Variants in SYNE2 observed in about 807,000 individuals in gnomAD.
SYNE2 encodes the protein spectrin repeat containing nuclear envelope protein 2, also known as nesprin-2.
SYNE2 carries 431 observed loss-of-function variants against 856.3 expected under a neutral mutation model. That is an observed-to-expected ratio of 0.50 (90% confidence interval 0.47 to 0.55). The LOEUF (loss-of-function observed/expected upper bound fraction) is 0.55, where lower values mean the gene tolerates loss of function less well. SYNE2 is among the 20% of genes least tolerant of loss of function. The probability of loss-of-function intolerance (pLI) is 0.00; values close to 1 mark genes in which losing one functional copy is unlikely to be tolerated. For missense variants in SYNE2, 8,129 were observed against 8,023.2 expected (o/e 1.01, Z -0.50); for synonymous variants, 2,923 against 2,872.3 (o/e 1.02, Z -0.56).
chr14:63,840,441 TCCTTCCTTCCTC>T (rs140527836), intron 1 of SYNE2, among the ~76,000 whole-genome samples: 37,600 of 106,708 alleles, frequency 0.35, 7,299 homozygotes, highest in Non-Finnish European at 0.44. Flanking sequence ...CTTCCTTCCT[TCCTTCCTTCCTC>T]CCTCCCTCCC....
chr14:64,055,799 T>G, intron 48 of SYNE2, 145 bp from the exon 49 acceptor site: 1 of 576,212 alleles, frequency 1.7e-6, no homozygotes, highest in Non-Finnish European at 3.0e-6. Context: ...CTGCACATTG[T>G]GCACATGTAC....
Position 64,014,974 on chromosome 14 carries a change from TACAC to T in SYNE2, c.4729-1483_4729-1480del, listed in dbSNP as rs1162341254. On this transcript the variant is annotated intron_variant, in intron 32 of 115. Transcript: ENST00000555002. ...ATATATATATATATATATATATATA[TACAC>T]ACACACACACACACATATATAAATA... is the stretch of plus-strand genomic sequence containing the variant. Among the ~76,000 whole-genome samples the T allele has an allele frequency of 8.2e-5, 7 of 84,894 alleles. No individual in the cohort carries two copies. In the South Asian group the frequency reaches 1.8e-3, roughly 21 times the overall value. 55.7% of individuals were successfully genotyped at this position (84,894 alleles called of 152,430 possible). A position where few individuals can be genotyped will look rare whatever the true frequency, so the allele number is the denominator to read the frequency against.
At chr14:63,924,627 A>C in intron 2 of SYNE2, among the ~76,000 whole-genome samples, 1 of 152,188 alleles carries the variant, frequency 6.6e-6, no homozygotes, top group Non-Finnish European at 1.5e-5. Flanking sequence ...GCCATTATGA[A>C]TGATATTTTC....
At chr14:64,099,402 C>A (rs1284258031) in intron 63 of SYNE2, 1 of 171,472 alleles carries the variant, frequency 5.8e-6, no homozygotes, top group East Asian at 1.7e-4. Context: ...ATGTAACCAC[C>A]AGACACTTTT....
chr14:64,169,060 C>G (rs2098397732), intron 93 of SYNE2, 89 bp downstream of exon 93: 2 of 996,340 alleles, frequency 2.0e-6, no homozygotes, highest in South Asian at 1.3e-5. Context: ...GAACCTTGAC[C>G]ATGTTGGTGC....
chr14:63,835,214 A>G (rs898819824), intron 1 of SYNE2, among the ~76,000 whole-genome samples: 6 of 152,042 alleles, frequency 3.9e-5, no homozygotes, highest in African/African-American at 1.2e-4. Context: ...TTGAAAGTAC[A>G]TATTGATATT....
chr14:64,111,065 T>C (rs573665748), intron 65 of SYNE2, among the ~76,000 whole-genome samples: 1 of 152,090 alleles, frequency 6.6e-6, no homozygotes, highest in East Asian at 1.9e-4. Flanking sequence ...AATACTGTCA[T>C]TAAAAAAAGT....
At chr14:63,839,406 C>T (rs1889971412) in intron 1 of SYNE2, among the ~76,000 whole-genome samples, 1 of 152,136 alleles carries the variant, frequency 6.6e-6, no homozygotes, top group Non-Finnish European at 1.5e-5. Flanking sequence ...TTTCTGATTA[C>T]TAATAAGATT....
chr14:64,186,355 C>G (rs2098490807), intron 96 of SYNE2, 69 bp from the exon 97 acceptor site: 1 of 1,581,768 alleles, frequency 6.3e-7, no homozygotes, highest in African/African-American at 1.3e-5. Context: ...AAAGGATTAG[C>G]CTACAGGTTT....
chr14:63,832,996 G>A (rs1430659784), intron 1 of SYNE2, among the ~76,000 whole-genome samples: 1 of 151,770 alleles, frequency 6.6e-6, no homozygotes, highest in East Asian at 1.9e-4. Context: ...CAGCCTGGGT[G>A]ACAGAGGCTT....
chr14:64,121,611 A>C (rs752065848), intron 68 of SYNE2, among the ~76,000 whole-genome samples: 12 of 152,048 alleles, frequency 7.9e-5, no homozygotes, highest in Admixed American at 1.3e-4. Context: ...GTGTGCAGAA[A>C]CTCTGAGAGT....
chr14:64,123,918 G>A (rs991514824), intron 70 of SYNE2, among the ~76,000 whole-genome samples: 1 of 149,990 alleles, frequency 6.7e-6, no homozygotes, highest in Non-Finnish European at 1.5e-5. Flanking sequence ...AAGAGACAGG[G>A]TCTCAGCTAG....
chr14:63,780,151 G>A (rs1887255345), intron 1 of SYNE2, among the ~76,000 whole-genome samples: 1 of 152,118 alleles, frequency 6.6e-6, no homozygotes, highest in Non-Finnish European at 1.5e-5. Flanking sequence ...AAAATACTTA[G>A]GAATAAATCT....
intron 1 of SYNE2, among the ~76,000 whole-genome samples, chr14:63,779,525 A>T (rs537270371): frequency 6.6e-6 from 1 of 151,612 alleles, no homozygotes; most frequent in Non-Finnish European, 1.5e-5. Flanking sequence ...ATATTGAATT[A>T]TTTTTTGTAA....
chr14:64,213,881 A>C (rs1018137197), intron 105 of SYNE2, among the ~76,000 whole-genome samples: 2 of 152,194 alleles, frequency 1.3e-5, no homozygotes, highest in Non-Finnish European at 2.9e-5. Flanking sequence ...ATTAACCATC[A>C]ATGAAACTTT....
intron 62 of SYNE2, chr14:64,098,351 TA>T: frequency 1.5e-6 from 1 of 648,160 alleles, no homozygotes; most frequent in Non-Finnish European, 2.7e-6. Context: ...CCAGAATTCT[TA>T]ACACCTGAAT....
Position 63,978,031 on chromosome 14 carries a change from C to T in SYNE2, c.1406+14C>T. The T allele has an allele frequency of 6.7e-7, 1 of 1,496,346 alleles. No homozygotes were observed. Among genetic ancestry groups the T allele is most frequent in the Non-Finnish European group, 9.3e-7 (1 of 1,072,694 alleles). 92.7% of individuals were successfully genotyped at this position (1,496,346 alleles called of 1,614,324 possible). ...AATGAAAAGACGGTGTGTAACACTA[C>T]CATTTCACAGCTGCTGTCACTATTC... On this transcript the variant is annotated intron_variant, in intron 13 of 115. Coordinates refer to ENST00000555002, the MANE Select transcript of SYNE2 (RefSeq NM_182914.3).
chr14:64,072,786 C>T (rs963706968), intron 52 of SYNE2, among the ~76,000 whole-genome samples: 8 of 152,192 alleles, frequency 5.3e-5, no homozygotes, highest in Admixed American at 2.0e-4. Context: ...CAGGCGTGAG[C>T]CACTGCGCCC....
At position 64,101,107 on chromosome 14, in the gene SYNE2, T is replaced by C. The variant is rs149546155; in HGVS notation, c.12382-825T>C. 7.0e-4 allele frequency among the ~76,000 whole-genome samples: 107 copies of C among 152,332 alleles called. 1 individual carries two copies. The highest frequency in any genetic ancestry group is 1.4e-3 in the African/African-American group (59 of 41,582). On this transcript the variant is annotated intron_variant, in intron 63 of 115. Coordinates refer to ENST00000555002, the MANE Select transcript of SYNE2 (RefSeq NM_182914.3). The stretch of plus-strand genomic sequence containing the variant: ...CTTGGTTGTTGTGAACAGTGCTGCA[T>C]TGAACATGGGAGTGCAGACATCTCT...
Sources: gnomAD v4.1 joint callset for allele counts (sites outside exome capture counted in the v4.1 genomes callset) on GRCh38, gnomAD v4.1.1 for gene constraint, MANE v1.5 for transcripts, NCBI Gene and HGNC (gene_info 2026-07-23, HGNC 2026-07-21) for gene names.